TP53BP2: variants seen among roughly 807,000 people sequenced by gnomAD.
TP53BP2 encodes tumor protein p53 binding protein 2.
TP53BP2 carries 62 observed loss-of-function variants against 126.2 expected under a neutral mutation model. That is an observed-to-expected ratio of 0.49 (90% CI 0.40 to 0.61). The LOEUF (loss-of-function observed/expected upper bound fraction) is 0.61. Among genes scored for constraint, TP53BP2 ranks in the 20% least tolerant of loss-of-function variants. The probability of loss-of-function intolerance (pLI) is 0.00; values close to 1 mark genes in which losing one functional copy is unlikely to be tolerated. For synonymous variants in TP53BP2, 485 were observed against 502.9 expected, an observed-to-expected ratio of 0.96 and a Z score of 0.48; for missense variants, 1,215 against 1,402.8, an observed-to-expected ratio of 0.87 and a Z score of 2.14.
chr1:223,808,918 C>T (rs769429421), intron 4 of TP53BP2, among the ~76,000 whole-genome samples: 2 of 152,080 alleles, frequency 1.3e-5, no homozygotes, highest in African/African-American at 4.8e-5. Flanking sequence ...CAATGCGATA[C>T]CACTACACAT....
chr1:223,813,589 C>CTTGGGTTTTCTAGACAA (rs1458683833), intron 3 of TP53BP2, among the ~76,000 whole-genome samples: 1 of 152,098 alleles, frequency 6.6e-6, no homozygotes, highest in African/African-American at 2.4e-5. Flanking sequence ...GTCTAGAAAC[C>CTTGGGTTTTCTAGACAA]TTGGGTTTTC....
At chr1:223,845,190 T>C (rs1664223479) in intron 1 of TP53BP2, 5 of 967,832 alleles carry the variant, frequency 5.2e-6, no homozygotes, top group Non-Finnish European at 6.1e-6. Flanking sequence ...TAGCTGCTAC[T>C]GTGGATATCA....
At chr1:223,793,516 A>G in intron 13 of TP53BP2, 76 bp from the exon 14 acceptor site, 1 of 1,374,014 alleles carries the variant, frequency 7.3e-7, no homozygotes, top group Non-Finnish European at 9.6e-7. Context: ...GGAAGGAATG[A>G]CTTCTCACCT....
intron 2 of TP53BP2, among the ~76,000 whole-genome samples, chr1:223,815,920 T>C (rs554530199): frequency 1.4e-4 from 22 of 152,344 alleles, no homozygotes; most frequent in African/African-American, 4.6e-4. Context: ...AGGTGTGTAG[T>C]AGGCTATACC....
At chr1:223,820,556 G>C (rs1189791934) in intron 2 of TP53BP2, among the ~76,000 whole-genome samples, 2 of 152,188 alleles carry the variant, frequency 1.3e-5, no homozygotes, top group African/African-American at 4.8e-5. Flanking sequence ...GGGCTCAGCT[G>C]AAGTTAGCTA....
chr1:223,845,194 G>A, intron 1 of TP53BP2: 1 of 971,336 alleles, frequency 1.0e-6, no homozygotes, highest in Non-Finnish European at 1.2e-6. Flanking sequence ...TGCTACTGTG[G>A]ATATCAAGAT....
chr1:223,841,835 T>C (rs1374396178), intron 1 of TP53BP2, among the ~76,000 whole-genome samples: 1 of 152,064 alleles, frequency 6.6e-6, no homozygotes, highest in Non-Finnish European at 1.5e-5. Context: ...CACTGAAAGA[T>C]AAAATGCCAT....
At position 223,821,257 on chromosome 1, in the gene TP53BP2, C is replaced by G; in HGVS notation, c.138G>C (p.Glu46Asp). ...ACACTTCAGCCAAATGGCAATCACT[C>G]TCGCCGGGTTCTTTGCACAGATCCA... The part of the protein sequence containing the change: ...DVVDLCKEPG[E>D]SDCHLAEVWC... The change falls in exon 2 of 18, where the codon GAG (glutamate) becomes GAC (aspartate). Residue 46 changes from glutamate (E) to aspartate (D), a missense_variant. Physicochemically the swap from Glu to Asp is conservative, Grantham distance 45. Transcript: ENST00000343537. 1 of 1,614,060 alleles carries G rather than the reference C, an allele frequency of 6.2e-7. No homozygotes were observed. Among genetic ancestry groups the G allele is most frequent in the East Asian group, 2.2e-5 (1 of 44,884 alleles).
Position 223,798,593 on chromosome 1 carries a change from T to G in TP53BP2, c.1570A>C (p.Asn524His), listed in dbSNP as rs868012185. ...GGCTTAATGTCTGAAGGTGGCTGAT[T>G]AGTTTGTCCAAAATAAGGCAAATTA... The part of the protein sequence containing the change: ...QINLPYFGQT[N>H]QPPSDIKPDG... Residue 524 changes from asparagine to histidine, a missense_variant, in exon 12 of 18, where the codon AAT becomes CAT. Around this residue, in one of 4 missense-constraint regions of TP53BP2, gnomAD observed 814 missense variants for 853.0 expected, o/e 0.95. Transcript: ENST00000343537. 1 of 1,614,162 alleles carries G rather than the reference T, an allele frequency of 6.2e-7. No individual in the cohort carries two copies.
chr1:223,789,571 A>C (rs1037103635), intron 15 of TP53BP2, among the ~76,000 whole-genome samples: 1 of 152,246 alleles, frequency 6.6e-6, no homozygotes, highest in Non-Finnish European at 1.5e-5. Context: ...TAAGTTATAC[A>C]CCTTCACTCA....
rs1296003339 is a variant in TP53BP2 at position 223,779,975 on chromosome 1, ATATACT to A, written c.*872_*877del. ...TGGTAAAAAACTCTTATTACGATAC[ATATACT>A]TATGTTAAGCAGTTTGTTCTTTTTC... On this transcript the variant is annotated 3_prime_UTR_variant, in exon 18 of 18. Coordinates refer to ENST00000343537, the MANE Select transcript of TP53BP2 (RefSeq NM_001031685.3). The A allele has an allele frequency of 1.3e-5, 2 of 152,240 alleles. No individual in the cohort carries two copies. Among genetic ancestry groups the A allele is most frequent in the African/African-American group, 4.8e-5 (2 of 41,458 alleles). The allele number at this position is 152,240 out of a possible 1,614,324, so 9.4% of individuals were successfully genotyped here.
At chr1:223,838,795 G>A (rs965658163) in intron 1 of TP53BP2, among the ~76,000 whole-genome samples, 26 of 152,246 alleles carry the variant, frequency 1.7e-4, no homozygotes, top group Admixed American at 1.6e-3. Flanking sequence ...TCATACAAAA[G>A]CTAATTATCA....
Position 223,792,425 on chromosome 1 carries a change from A to G in TP53BP2, c.2960T>C (p.Phe987Ser), listed in dbSNP as rs1354062666. Reference protein sequence around the residue: ...HTEIVKFLVQFGVNVNAADSD... With the variant: ...HTEIVKFLVQSGVNVNAADSD... ...ATCAGCAGCATTTACATTTACACCA[A>G]ACTGTACCAGGAACTTAACGATTTC... is the stretch of plus-strand genomic sequence containing the variant. Residue 987 changes from phenylalanine to serine, a missense_variant, in exon 15 of 18, where the codon TTT (phenylalanine) becomes TCT (serine). Phe to Ser is a radical substitution (Grantham distance 155). Transcript: ENST00000343537. 6.2e-7 allele frequency: 1 copy of G among 1,613,200 alleles called. No homozygotes were observed. The highest frequency in any genetic ancestry group is 1.1e-5 in the South Asian group (1 of 90,846).
chr1:223,780,941 G>T (rs758959018), intron 17 of TP53BP2, 47 bp from the exon 18 acceptor site: 3 of 1,543,226 alleles, frequency 1.9e-6, no homozygotes, highest in East Asian at 4.5e-5. Flanking sequence ...AGATGTGTGG[G>T]AATATAACAA....
At chr1:223,781,450 G>A (rs1661775476) in intron 17 of TP53BP2, among the ~76,000 whole-genome samples, 1 of 152,218 alleles carries the variant, frequency 6.6e-6, no homozygotes, top group South Asian at 2.1e-4. Context: ...GTTTCCACAA[G>A]AGCTGTAAAG....
Position 223,793,349 on chromosome 1 carries a change from G to A in TP53BP2, c.2816C>T (p.Ser939Leu), listed in dbSNP as rs375006637. ...KFNPLALLLD[S>L]SLEGEFDLVQ... is the part of the protein sequence containing the mutation. ...AAGGTCAAATTCTCCCTCCAAAGAC[G>A]AATCTAGCAGTAAAGCAAGGGGGTT... is the stretch of plus-strand genomic sequence containing the variant. Residue 939 changes from serine (S) to leucine (L), a missense_variant, in exon 14 of 18, where the codon TCG becomes TTG. Coordinates refer to ENST00000343537, the MANE Select transcript of TP53BP2 (RefSeq NM_001031685.3). The A allele has an allele frequency of 4.3e-6, 7 of 1,610,996 alleles. No individual in the cohort carries two copies. Among genetic ancestry groups the A allele is most frequent in the Non-Finnish European group, 5.1e-6 (6 of 1,178,742 alleles).
chr1:223,810,357 T>A, intron 4 of TP53BP2, 74 bp downstream of exon 4: 1 of 1,107,782 alleles, frequency 9.0e-7, no homozygotes, highest in Non-Finnish European at 1.3e-6. Flanking sequence ...AACAAAGTAA[T>A]AATGAATAAG....
chr1:223,841,231 G>A (rs570445849), intron 1 of TP53BP2, among the ~76,000 whole-genome samples: 3 of 118,430 alleles, frequency 2.5e-5, no homozygotes, highest in East Asian at 4.6e-4. Flanking sequence ...CTACAGAGTG[G>A]TGAGACTCCG....
intron 1 of TP53BP2, among the ~76,000 whole-genome samples, chr1:223,844,621 C>T (rs931860259): frequency 6.6e-6 from 1 of 152,034 alleles, no homozygotes; most frequent in Non-Finnish European, 1.5e-5. Context: ...TATCCCAAAC[C>T]CTCTAAACCC....
Sources: gnomAD v4.1 joint callset for allele counts (sites outside exome capture counted in the v4.1 genomes callset) on GRCh38, gnomAD v4.1.1 for gene constraint, gnomAD v4.1.1 regional missense constraint, MANE v1.5 for transcripts, NCBI Gene and HGNC (gene_info 2026-07-23, HGNC 2026-07-21) for gene names.